WDPCP: variants seen among roughly 807,000 people sequenced by gnomAD.
WDPCP encodes the protein WD repeat-containing and planar cell polarity effector protein fritz homolog.
A neutral mutation model predicts 93.1 loss-of-function variants in WDPCP; 71 were observed. The ratio of observed to expected loss-of-function variants is 0.76; its 90% CI spans 0.63 to 0.93. WDPCP has a LOEUF of 0.93. WDPCP is among the 40% of genes least tolerant of loss of function. WDPCP has a pLI of 0.00. For missense variants in WDPCP, 844 were observed against 887.4 expected, an observed-to-expected ratio of 0.95 and a Z score of 0.62; for synonymous variants, 315 against 315.0, an observed-to-expected ratio of 1.00 and a Z score of 0.00.
chr2:63,715,094 C>A (rs768494888), intron 2 of WDPCP, among the ~76,000 whole-genome samples: 3 of 152,120 alleles, frequency 2.0e-5, no homozygotes, highest in Non-Finnish European at 4.4e-5. Context: ...TGAAATATCC[C>A]GAATAGGTAA....
intron 12 of WDPCP, among the ~76,000 whole-genome samples, chr2:63,330,757 G>A (rs755966105): frequency 5.3e-5 from 8 of 151,196 alleles, no homozygotes; most frequent in South Asian, 4.2e-4. Flanking sequence ...TAACTTGCTT[G>A]TATGGTATAA....
chr2:63,392,229 C>A (rs1217668138), intron 10 of WDPCP, among the ~76,000 whole-genome samples: 1 of 152,166 alleles, frequency 6.6e-6, no homozygotes, highest in Non-Finnish European at 1.5e-5. Context: ...GGAAATAACA[C>A]CACACATCTA....
At position 63,163,506 on chromosome 2, in the gene WDPCP, C is replaced by T. The variant is rs1434018327; in HGVS notation, c.2079-9932G>A. Among the ~76,000 whole-genome samples the T allele has an allele frequency of 3.3e-5, 5 of 152,158 alleles. No individual in the cohort carries two copies. The East Asian group carries it at 9.6e-4, about 29-fold the overall frequency. ...TTAAAGCTACCTTAAGAGCTCAACA[C>T]ACTGGAAATGCTTAGTATATTCTAC... is the stretch of plus-strand genomic sequence containing the variant. On this transcript the variant is annotated intron_variant, in intron 15 of 17. Transcript: ENST00000272321.
chr2:63,374,778 C>G (rs145900343), intron 12 of WDPCP, among the ~76,000 whole-genome samples: 2 of 152,050 alleles, frequency 1.3e-5, no homozygotes, highest in Admixed American at 6.6e-5. Flanking sequence ...GATTATCTAC[C>G]ACATGTATTC....
intron 2 of WDPCP, among the ~76,000 whole-genome samples, chr2:63,706,218 T>C (rs1669149916): frequency 6.6e-6 from 1 of 152,232 alleles, no homozygotes; most frequent in Non-Finnish European, 1.5e-5. Context: ...GTTTCCTGAA[T>C]ACAGCACACT....
intron 14 of WDPCP, among the ~76,000 whole-genome samples, chr2:63,180,446 T>C (rs751471479): frequency 6.6e-6 from 1 of 152,174 alleles, no homozygotes; most frequent in Non-Finnish European, 1.5e-5. Context: ...TGTTTGACTT[T>C]CTGTTTCTGA....
At chr2:63,237,759 G>T (rs1342305608) in intron 14 of WDPCP, among the ~76,000 whole-genome samples, 1 of 152,094 alleles carries the variant, frequency 6.6e-6, no homozygotes, top group Non-Finnish European at 1.5e-5. Context: ...CTCTTATAAA[G>T]TAGGAGCAGC....
chr2:63,370,240 G>A (rs968882876), intron 12 of WDPCP, among the ~76,000 whole-genome samples: 17 of 152,124 alleles, frequency 1.1e-4, no homozygotes, highest in East Asian at 9.7e-4. Flanking sequence ...GGCCCTAACT[G>A]TGCCCACATA....
intron 12 of WDPCP, among the ~76,000 whole-genome samples, chr2:63,332,498 C>T (rs1030442014): frequency 6.6e-6 from 1 of 152,058 alleles, no homozygotes; most frequent in Non-Finnish European, 1.5e-5. Context: ...TGATGTTGAA[C>T]ATTGTTCATG....
chr2:63,780,266 G>A (rs1670367433), intron 2 of WDPCP, among the ~76,000 whole-genome samples: 1 of 152,158 alleles, frequency 6.6e-6, no homozygotes, highest in Non-Finnish European at 1.5e-5. Flanking sequence ...CCTGGGTACA[G>A]TACCTGGACC....
intron 14 of WDPCP, among the ~76,000 whole-genome samples, chr2:63,196,168 G>C (rs1209734549): frequency 6.6e-6 from 1 of 152,196 alleles, no homozygotes. Flanking sequence ...CCTGTGAAGT[G>C]CCACTAGTGA....
intron 2 of WDPCP, among the ~76,000 whole-genome samples, chr2:63,655,251 A>G (rs377554790): frequency 2.6e-5 from 4 of 152,138 alleles, no homozygotes; most frequent in East Asian, 3.9e-4. Flanking sequence ...CTTTTCACCA[A>G]ATGAGAACTT....
At chr2:63,339,676 T>C (rs1034971045) in intron 12 of WDPCP, among the ~76,000 whole-genome samples, 39 of 152,146 alleles carry the variant, frequency 2.6e-4, no homozygotes, top group African/African-American at 9.2e-4. Context: ...TTGGATGCCC[T>C]TTCTCTTCTT....
chr2:63,688,349 C>G (rs1039394860), intron 2 of WDPCP, among the ~76,000 whole-genome samples: 2 of 151,736 alleles, frequency 1.3e-5, no homozygotes, highest in Non-Finnish European at 2.9e-5. Flanking sequence ...ATGGCGTGAA[C>G]CTGGGAGGCG....
chr2:63,699,797 T>C (rs1308253559), intron 2 of WDPCP, among the ~76,000 whole-genome samples: 1 of 152,140 alleles, frequency 6.6e-6, no homozygotes, highest in Non-Finnish European at 1.5e-5. Flanking sequence ...ATTTCAGAGG[T>C]GTTTCAAAGG....
intron 1 of WDPCP, among the ~76,000 whole-genome samples, chr2:63,586,410 ATGTC>A (rs763287728): frequency 3.3e-5 from 5 of 152,242 alleles, no homozygotes; most frequent in Non-Finnish European, 7.3e-5. Context: ...CAAAAAATGA[ATGTC>A]TGCAACACAT....
chr2:63,670,447 C>G (rs539500705), intron 2 of WDPCP, among the ~76,000 whole-genome samples: 2 of 152,200 alleles, frequency 1.3e-5, no homozygotes, highest in Non-Finnish European at 2.9e-5. Context: ...CTACAAGTAC[C>G]AGGACCAAGT....
chr2:63,643,517 A>G (rs1710009626), intron 3 of WDPCP: 3 of 411,150 alleles, frequency 7.3e-6, no homozygotes, highest in African/African-American at 2.1e-5. Context: ...CAGGTTACCA[A>G]TGTTGAACTT....
intron 2 of WDPCP, among the ~76,000 whole-genome samples, chr2:63,735,893 C>G (rs1404682578): frequency 1.3e-5 from 2 of 152,176 alleles, no homozygotes; most frequent in Non-Finnish European, 2.9e-5. Flanking sequence ...GAAAATAACC[C>G]TAGCTCTCTG....
Sources: gnomAD v4.1 joint callset for allele counts (sites outside exome capture counted in the v4.1 genomes callset) on GRCh38, gnomAD v4.1.1 for gene constraint, MANE v1.5 for transcripts, NCBI Gene and HGNC (gene_info 2026-07-23, HGNC 2026-07-21) for gene names.